Variants in SFMBT1 observed in about 807,000 individuals in gnomAD.
SFMBT1 encodes the protein Scm like with four mbt domains 1.
SFMBT1 carries 32 observed loss-of-function variants against 108.7 expected under a neutral mutation model. The ratio of observed to expected loss-of-function variants is 0.29; its 90% CI spans 0.22 to 0.40. SFMBT1 has a LOEUF of 0.40. Ranked by LOEUF, SFMBT1 falls within the 10% of genes least tolerant of loss-of-function variation. The pLI, the probability that SFMBT1 is intolerant of heterozygous loss-of-function variation, is 1.00. For synonymous variants in SFMBT1, 348 were observed against 369.5 expected, an observed-to-expected ratio of 0.94 and a Z score of 0.67; for missense variants, 816 against 1,059.6, an observed-to-expected ratio of 0.77 and a Z score of 3.19.
intron 3 of SFMBT1, among the ~76,000 whole-genome samples, chr3:52,948,991 T>C (rs1370280132): frequency 6.6e-6 from 1 of 151,980 alleles, no homozygotes; most frequent in African/African-American, 2.4e-5. Context: ...CATTTAATCC[T>C]AGACATTTTA....
At chr3:53,041,525 C>T (rs185036776) in intron 1 of SFMBT1, among the ~76,000 whole-genome samples, 1 of 151,926 alleles carries the variant, frequency 6.6e-6, no homozygotes, top group African/African-American at 2.4e-5. Flanking sequence ...TGGTGAAACC[C>T]CATCTTTACT....
Position 52,971,899 on chromosome 3 carries a change from C to G in SFMBT1, c.-130-2641G>C, listed in dbSNP as rs116248531. Among the ~76,000 whole-genome samples the G allele has an allele frequency of 2.1e-3, 322 of 152,228 alleles. 1 individual carries two copies. The highest frequency in any genetic ancestry group is 7.1e-3 in the African/African-American group (295 of 41,542). ...GGCTGCTGTGGCTAGAGCATGCAAA[C>G]CAACAGAATAAGTGGCAAATAAAAG... On this transcript the variant is annotated intron_variant, in intron 1 of 20. Transcript: ENST00000394752.
chr3:52,911,924 T>A (rs977038330), intron 16 of SFMBT1, among the ~76,000 whole-genome samples: 3 of 152,142 alleles, frequency 2.0e-5, no homozygotes, highest in African/African-American at 7.2e-5. Context: ...GGTCTTGAAC[T>A]CCTGACCTCA....
intron 1 of SFMBT1, among the ~76,000 whole-genome samples, chr3:53,013,586 A>G (rs1005897486): frequency 9.4e-5 from 14 of 149,000 alleles, no homozygotes; most frequent in Non-Finnish European, 1.2e-4. Context: ...AATTACTTCA[A>G]GAAGGAACAC....
At chr3:52,948,889 C>T (rs1703473637) in intron 3 of SFMBT1, among the ~76,000 whole-genome samples, 1 of 17,880 alleles carries the variant, frequency 5.6e-5, no homozygotes, top group Non-Finnish European at 1.3e-4. Context: ...GTCTCGCATT[C>T]CTGGGCTCAA....
intron 1 of SFMBT1, chr3:53,045,419 C>T (rs1387862575): frequency 7.0e-6 from 1 of 143,526 alleles, no homozygotes; most frequent in East Asian, 2.1e-4. Flanking sequence ...CGCCGGGGAA[C>T]TTGGGCGCCC....
intron 3 of SFMBT1, among the ~76,000 whole-genome samples, chr3:52,945,015 G>A (rs1703310677): frequency 6.6e-6 from 1 of 151,370 alleles, no homozygotes; most frequent in Non-Finnish European, 1.5e-5. Flanking sequence ...TGTTGCCCAG[G>A]CTGGTCTCAA....
chr3:53,003,909 T>G (rs998657502), intron 1 of SFMBT1, among the ~76,000 whole-genome samples: 8 of 150,128 alleles, frequency 5.3e-5, no homozygotes, highest in African/African-American at 1.9e-4. Flanking sequence ...ACTTAACAAG[T>G]ATGGAATGAC....
intron 1 of SFMBT1, among the ~76,000 whole-genome samples, chr3:53,038,908 C>A (rs1332191502): frequency 6.6e-6 from 1 of 152,190 alleles, no homozygotes. Flanking sequence ...TCTGAACACA[C>A]ATATTTTTTT....
At chr3:52,941,148 A>G (rs1356097315) in intron 4 of SFMBT1, among the ~76,000 whole-genome samples, 1 of 152,242 alleles carries the variant, frequency 6.6e-6, no homozygotes, top group Non-Finnish European at 1.5e-5. Context: ...TGGGACCAGG[A>G]TAGAATGAAC....
At chr3:52,966,389 G>A (rs1314259730) in intron 2 of SFMBT1, among the ~76,000 whole-genome samples, 3 of 151,190 alleles carry the variant, frequency 2.0e-5, no homozygotes, top group South Asian at 2.1e-4. Flanking sequence ...ACTTTGGGAG[G>A]CCGAGACAGG....
intron 1 of SFMBT1, among the ~76,000 whole-genome samples, chr3:52,985,382 G>T (rs2106885438): frequency 6.6e-6 from 1 of 152,264 alleles, no homozygotes; most frequent in Admixed American, 6.5e-5. Flanking sequence ...AAAAAGAAAA[G>T]ATTATTTGAG....
intron 1 of SFMBT1, among the ~76,000 whole-genome samples, chr3:52,997,955 T>C: frequency 6.6e-6 from 1 of 150,860 alleles, no homozygotes; most frequent in Non-Finnish European, 1.5e-5. Context: ...TTTAAATTTA[T>C]TTTTGTTATT....
At chr3:52,962,189 A>T (rs1468330668) in intron 2 of SFMBT1, among the ~76,000 whole-genome samples, 1 of 152,260 alleles carries the variant, frequency 6.6e-6, no homozygotes, top group Non-Finnish European at 1.5e-5. Flanking sequence ...AATATCCAAC[A>T]AAATTACATA....
Position 52,926,087 on chromosome 3 carries a change from C to G in SFMBT1, c.1075G>C (p.Ala359Pro). 6.2e-7 allele frequency: 1 copy of G among 1,602,594 alleles called. No homozygotes were observed. The highest frequency in any genetic ancestry group is 1.7e-5 in the Admixed American group (1 of 57,610). The change falls in exon 10 of 21, where the codon GCT (alanine) becomes CCT (proline). Residue 359 changes from alanine (A) to proline (P), a missense_variant. Physicochemically the swap from Ala to Pro is conservative, Grantham distance 27. Transcript: ENST00000394752. ...PGYPSQDFDWADYLKQCGAEA... is the reference protein window; with the variant it reads ...PGYPSQDFDWPDYLKQCGAEA... ...GCACCACACTGTTTGAGGTAGTCAG[C>G]CCAGTCAAAGTCCTGGCTTGGGTAG...
At chr3:52,975,712 G>A (rs899557841) in intron 1 of SFMBT1, among the ~76,000 whole-genome samples, 13 of 152,046 alleles carry the variant, frequency 8.6e-5, no homozygotes, top group East Asian at 1.9e-4. Context: ...AGCAATTCTC[G>A]TGCCTTAGCC....
chr3:52,964,357 A>T (rs1248978611), intron 2 of SFMBT1, among the ~76,000 whole-genome samples: 2 of 152,116 alleles, frequency 1.3e-5, no homozygotes, highest in African/African-American at 4.8e-5. Context: ...CTCTACAAAA[A>T]TTAAAAAATT....
intron 1 of SFMBT1, among the ~76,000 whole-genome samples, chr3:52,981,275 C>T: frequency 6.6e-6 from 1 of 151,994 alleles, no homozygotes; most frequent in East Asian, 1.9e-4. Flanking sequence ...GGAGGAGAAG[C>T]AGCTTCTGCT....
chr3:52,962,554 C>G (rs1233447898), intron 2 of SFMBT1, among the ~76,000 whole-genome samples: 3 of 151,958 alleles, frequency 2.0e-5, no homozygotes, highest in Non-Finnish European at 4.4e-5. Flanking sequence ...GCCTATAATA[C>G]TAGCACTTTG....
Sources: allele counts gnomAD v4.1 joint callset (sites outside exome capture counted in the v4.1 genomes callset), GRCh38; gene constraint gnomAD v4.1.1; transcripts MANE v1.5; gene names NCBI Gene and HGNC (gene_info 2026-07-23, HGNC 2026-07-21).